SPSB1: variants seen among roughly 807,000 people sequenced by gnomAD.
SPSB1 encodes SPRY domain-containing SOCS box protein 1.
A neutral mutation model predicts 21.2 loss-of-function variants in SPSB1; 8 were observed. The ratio of observed to expected loss-of-function variants is 0.38; its 90% CI spans 0.22 to 0.68. The LOEUF (loss-of-function observed/expected upper bound fraction) is 0.68. Ranked by LOEUF, SPSB1 falls within the 30% of genes least tolerant of loss-of-function variation. The probability of loss-of-function intolerance (pLI) is 0.53; values close to 1 mark genes in which losing one functional copy is unlikely to be tolerated. For synonymous variants in SPSB1, 169 were observed against 161.7 expected (o/e 1.05, Z -0.34); for missense variants, 242 against 377.8 (o/e 0.64, Z 2.98).
At chr1:9,344,927 A>G (rs1640147615) in intron 1 of SPSB1, among the ~76,000 whole-genome samples, 1 of 152,064 alleles carries the variant, frequency 6.6e-6, no homozygotes, top group African/African-American at 2.4e-5. Flanking sequence ...GGCACATCCC[A>G]TGGAGAGAGG....
At chr1:9,295,612 T>G (rs574790373) in intron 1 of SPSB1, among the ~76,000 whole-genome samples, 100 of 152,256 alleles carry the variant, frequency 6.6e-4, no homozygotes, top group Middle Eastern at 6.8e-3. Flanking sequence ...TCACAGATGT[T>G]GAATTTCTTC....
At chr1:9,322,490 T>C (rs1309810442) in intron 1 of SPSB1, among the ~76,000 whole-genome samples, 2 of 152,172 alleles carry the variant, frequency 1.3e-5, no homozygotes, top group Admixed American at 1.3e-4. Context: ...ACTGGGCCCT[T>C]GGCCAGAGGC....
At chr1:9,303,103 G>A (rs1162560113) in intron 1 of SPSB1, among the ~76,000 whole-genome samples, 1 of 152,162 alleles carries the variant, frequency 6.6e-6, no homozygotes, top group African/African-American at 2.4e-5. Flanking sequence ...TGGCTGTGGA[G>A]ATTGATCTGG....
At chr1:9,310,833 G>A (rs1378544049) in intron 1 of SPSB1, among the ~76,000 whole-genome samples, 1 of 152,178 alleles carries the variant, frequency 6.6e-6, no homozygotes, top group Non-Finnish European at 1.5e-5. Context: ...GTGCTAATGA[G>A]AAAGGTTGCC....
intron 1 of SPSB1, among the ~76,000 whole-genome samples, chr1:9,311,076 G>A (rs746445960): frequency 3.3e-5 from 5 of 151,296 alleles, no homozygotes; most frequent in Middle Eastern, 3.4e-3. Context: ...TTCTTCTCCC[G>A]CCTCTAGCCT....
chr1:9,341,409 C>T (rs558633709), intron 1 of SPSB1, among the ~76,000 whole-genome samples: 1 of 152,244 alleles, frequency 6.6e-6, no homozygotes. Context: ...CTGCCTCCCC[C>T]CACTAGACTG....
At chr1:9,326,645 C>T (rs892246814) in intron 1 of SPSB1, among the ~76,000 whole-genome samples, 1 of 152,170 alleles carries the variant, frequency 6.6e-6, no homozygotes, top group East Asian at 1.9e-4. Context: ...TCCTGTGCCC[C>T]GTCCCAGAAA....
intron 1 of SPSB1, among the ~76,000 whole-genome samples, chr1:9,343,006 A>G (rs914259723): frequency 6.6e-6 from 1 of 152,048 alleles, no homozygotes; most frequent in East Asian, 1.9e-4. Context: ...CCCCCTGTCC[A>G]TGTGGATCTT....
At chr1:9,297,084 G>C (rs956470246) in intron 1 of SPSB1, among the ~76,000 whole-genome samples, 13 of 152,218 alleles carry the variant, frequency 8.5e-5, no homozygotes, top group African/African-American at 2.7e-4. Flanking sequence ...GTGCAATGCA[G>C]GCATGGGATT....
intron 1 of SPSB1, among the ~76,000 whole-genome samples, chr1:9,318,680 G>C (rs1211725313): frequency 6.6e-6 from 1 of 152,222 alleles, no homozygotes; most frequent in East Asian, 1.9e-4. Context: ...GGAGGCAGCT[G>C]TTTCCACCAT....
chr1:9,349,407 G>C (rs536211), intron 1 of SPSB1, among the ~76,000 whole-genome samples: 107,092 of 152,206 alleles, frequency 0.7, 38,824 homozygotes, highest in African/African-American at 0.89. Flanking sequence ...CGGGCCAGGA[G>C]TGGGGGTAGG....
intron 2 of SPSB1, among the ~76,000 whole-genome samples, chr1:9,358,641 G>A (rs1419366456): frequency 6.6e-6 from 1 of 152,210 alleles, no homozygotes; most frequent in African/African-American, 2.4e-5. Flanking sequence ...GAGCCAGGGA[G>A]GTTAATGTCC....
rs1569671397 is a variant in SPSB1, at chr1:9,367,038, G to C, written c.695-410G>C. 1.3e-5 allele frequency among the ~76,000 whole-genome samples: 2 copies of C among 152,248 alleles called. No homozygotes were observed. The highest frequency in any genetic ancestry group is 3.9e-4 in the East Asian group (2 of 5,192). ...TGGCAGCTGCTTGCCTGGACAGGCA[G>C]AGTCACCAGTGGGGAAGAGCAGGGA... On this transcript the variant is annotated intron_variant, in intron 2 of 2. Transcript: ENST00000328089. This position sits in a 1 kb window ranked among gnomAD's most constrained non-coding sequence, Gnocchi z 5.9.
intron 1 of SPSB1, among the ~76,000 whole-genome samples, chr1:9,313,213 A>G (rs544135093): frequency 6.6e-5 from 10 of 152,238 alleles, no homozygotes; most frequent in African/African-American, 1.9e-4. Flanking sequence ...CCTGACCAAC[A>G]TGATGAAACC....
chr1:9,328,843 G>A (rs1639867883), intron 1 of SPSB1, among the ~76,000 whole-genome samples: 1 of 152,196 alleles, frequency 6.6e-6, no homozygotes, highest in Non-Finnish European at 1.5e-5. Flanking sequence ...CTTGTGTCGG[G>A]CGTGGCTGGG....
At chr1:9,332,391 G>A (rs1375460449) in intron 1 of SPSB1, among the ~76,000 whole-genome samples, 4 of 152,194 alleles carry the variant, frequency 2.6e-5, no homozygotes, top group African/African-American at 9.7e-5. Context: ...GAGGAATTGA[G>A]GGAGATGAGG....
chr1:9,294,482 C>G (rs1323021449), intron 1 of SPSB1: 1 of 152,284 alleles, frequency 6.6e-6, no homozygotes, highest in Non-Finnish European at 1.5e-5. Context: ...ACAGACACCC[C>G]ACTAGGCAAG....
In SPSB1 at chr1:9,356,447, G is replaced by A. The variant is rs1175487400; in HGVS notation, c.556G>A (p.Gly186Arg). The change falls in exon 2 of 3, where the codon GGG becomes AGG. Residue 186 changes from glycine to arginine, a missense_variant. Gly to Arg is a moderately radical substitution (Grantham distance 125). Coordinates refer to ENST00000328089, the MANE Select transcript of SPSB1 (RefSeq NM_025106.4). The surrounding 1 kb of genome is among the most constrained non-coding windows in gnomAD (Gnocchi z 7.4). ...SFLVALDMDD[G>R]TLSFIVDGQY... ...CCTGGTAGCCCTGGACATGGACGACGGGACTCTGAGCTTCATTGTGGATGG... is the reference window on the plus strand; with the variant it reads ...CCTGGTAGCCCTGGACATGGACGACAGGACTCTGAGCTTCATTGTGGATGG... The A allele has an allele frequency of 2.5e-6, 4 of 1,614,114 alleles. No homozygotes were observed. The highest frequency in any genetic ancestry group is 1.7e-5 in the Admixed American group (1 of 60,022).
rs1224921077 is a variant in SPSB1, at chr1:9,318,976, G to A, written c.-150+25905G>A. ...AGGCTGAGGCGGGCACATCACCTGA[G>A]GTCATGCCTGGGCAACATGGCGAAA... On this transcript the variant is annotated intron_variant, in intron 1 of 2. Transcript: ENST00000328089. Among the ~76,000 whole-genome samples the A allele has an allele frequency of 6.0e-5, 3 of 49,992 alleles. No homozygotes were observed. The African/African-American group carries it at 6.1e-4, about 10-fold the overall frequency. The allele number at this position is 49,992 out of a possible 152,430, so 32.8% of individuals were successfully genotyped here.
Sources: allele counts gnomAD v4.1 joint callset (sites outside exome capture counted in the v4.1 genomes callset), GRCh38; gene constraint gnomAD v4.1.1; non-coding constraint Gnocchi (gnomAD v3.1); transcripts MANE v1.5; gene names NCBI Gene and HGNC (gene_info 2026-07-23, HGNC 2026-07-21).